Variants in PLCXD3 observed in about 807,000 individuals in gnomAD.
The protein encoded by PLCXD3 is phosphatidylinositol specific phospholipase C X domain containing 3.
PLCXD3 carries 19 observed loss-of-function variants against 25.5 expected under a neutral mutation model. That is an observed-to-expected ratio of 0.75 (90% CI 0.52 to 1.09). The LOEUF (loss-of-function observed/expected upper bound fraction) is 1.09, where lower values mean the gene tolerates loss of function less well. Ranked by LOEUF, PLCXD3 falls within the 50% of genes least tolerant of loss-of-function variation. The pLI is 0.00. For synonymous variants in PLCXD3, 174 were observed against 137.6 expected, an observed-to-expected ratio of 1.26 and a Z score of -1.85; for missense variants, 411 against 388.1, an observed-to-expected ratio of 1.06 and a Z score of -0.50.
intron 1 of PLCXD3, among the ~76,000 whole-genome samples, chr5:41,488,568 C>A (rs1262338435): frequency 7.0e-6 from 1 of 143,338 alleles, no homozygotes; most frequent in Non-Finnish European, 1.5e-5. Context: ...ATTCCTATTT[C>A]TCCACATCCT....
At chr5:41,473,143 G>A (rs1748202877) in intron 1 of PLCXD3, among the ~76,000 whole-genome samples, 1 of 151,808 alleles carries the variant, frequency 6.6e-6, no homozygotes, top group Non-Finnish European at 1.5e-5. Context: ...GACCTTGCCT[G>A]GTATTAAAAA....
intron 1 of PLCXD3, among the ~76,000 whole-genome samples, chr5:41,429,925 C>T (rs910956279): frequency 2.6e-5 from 4 of 152,084 alleles, no homozygotes; most frequent in African/African-American, 9.7e-5. Context: ...AAATATTCAG[C>T]TTCTAACCAA....
intron 2 of PLCXD3, among the ~76,000 whole-genome samples, chr5:41,376,391 A>G (rs757356333): frequency 6.6e-6 from 1 of 152,180 alleles, no homozygotes; most frequent in East Asian, 1.9e-4. Flanking sequence ...CTACATAATT[A>G]GGTGGGTTTC....
intron 1 of PLCXD3, among the ~76,000 whole-genome samples, chr5:41,428,322 AC>A (rs1561270519): frequency 6.7e-6 from 1 of 149,956 alleles, no homozygotes; most frequent in African/African-American, 2.4e-5. Context: ...TGAAGCCCTA[AC>A]CCCCAGTACC....
chr5:41,316,611 G>A (rs1431088808), intron 2 of PLCXD3, among the ~76,000 whole-genome samples: 2 of 152,296 alleles, frequency 1.3e-5, no homozygotes, highest in Non-Finnish European at 2.9e-5. Context: ...CCTGCCCAGG[G>A]TCAGAGGGAG....
chr5:41,335,732 T>C (rs1743960406), intron 2 of PLCXD3, among the ~76,000 whole-genome samples: 1 of 152,072 alleles, frequency 6.6e-6, no homozygotes, highest in South Asian at 2.1e-4. Flanking sequence ...GTGGCATTTG[T>C]TGGGGTGGAT....
intron 1 of PLCXD3, among the ~76,000 whole-genome samples, chr5:41,491,636 T>C (rs1748673939): frequency 6.6e-6 from 1 of 152,160 alleles, no homozygotes; most frequent in Non-Finnish European, 1.5e-5. Flanking sequence ...GGTGCATATA[T>C]ATTTAGGATA....
At chr5:41,326,909 C>T (rs745506405) in intron 2 of PLCXD3, among the ~76,000 whole-genome samples, 2 of 152,138 alleles carry the variant, frequency 1.3e-5, no homozygotes, top group Non-Finnish European at 1.5e-5. Flanking sequence ...TTCCTGGGCT[C>T]AGGTGGCTCA....
In PLCXD3 at chr5:41,326,739, C is replaced by G. The variant is rs539498130; in HGVS notation, c.813-12969G>C. ...TGTTTTATGCCTCTTAAGCATAGTT[C>G]TGTGAGTGTACATAGCACATAACAT... On this transcript the variant is annotated intron_variant, in intron 2 of 2. Coordinates refer to ENST00000377801, the MANE Select transcript of PLCXD3 (RefSeq NM_001005473.3). Among the ~76,000 whole-genome samples, 8 of 152,236 alleles carry G rather than the reference C, an allele frequency of 5.3e-5. No individual in the cohort carries two copies. The South Asian group carries it at 1.7e-3, about 32-fold the overall frequency.
intron 1 of PLCXD3, among the ~76,000 whole-genome samples, chr5:41,406,669 C>G (rs1746360606): frequency 6.6e-6 from 1 of 152,106 alleles, no homozygotes; most frequent in African/African-American, 2.4e-5. Flanking sequence ...TGACAGTGGT[C>G]TGGCTTCCTG....
chr5:41,491,373 A>G (rs1404771753), intron 1 of PLCXD3, among the ~76,000 whole-genome samples: 1 of 152,196 alleles, frequency 6.6e-6, no homozygotes, highest in African/African-American at 2.4e-5. Flanking sequence ...CAATTTTGGA[A>G]TAGGTGTGGT....
intron 2 of PLCXD3, 103 bp downstream of exon 2, chr5:41,381,723 G>A (rs1185640673): frequency 7.7e-6 from 8 of 1,039,950 alleles, no homozygotes; most frequent in East Asian, 4.9e-5. Flanking sequence ...CAGCCCCAGG[G>A]ACCTAATATA....
At chr5:41,434,657 G>A (rs888333476) in intron 1 of PLCXD3, among the ~76,000 whole-genome samples, 1 of 152,194 alleles carries the variant, frequency 6.6e-6, no homozygotes, top group African/African-American at 2.4e-5. Flanking sequence ...AATTATAAAG[G>A]GGGAAGCTTG....
At chr5:41,414,130 C>T (rs545647260) in intron 1 of PLCXD3, among the ~76,000 whole-genome samples, 1 of 152,184 alleles carries the variant, frequency 6.6e-6, no homozygotes, top group Admixed American at 6.5e-5. Context: ...GAAACTGAGG[C>T]TTCCATACCC....
intron 1 of PLCXD3, among the ~76,000 whole-genome samples, chr5:41,418,579 A>G (rs1470582164): frequency 6.6e-6 from 1 of 152,212 alleles, no homozygotes; most frequent in African/African-American, 2.4e-5. Flanking sequence ...TATCCTAGAT[A>G]CTAAGGCAAA....
chr5:41,374,360 A>C (rs1745218441), intron 2 of PLCXD3, among the ~76,000 whole-genome samples: 1 of 152,070 alleles, frequency 6.6e-6, no homozygotes, highest in African/African-American at 2.4e-5. Flanking sequence ...TGCTTTCTGG[A>C]GCTTCCTTTT....
At chr5:41,406,181 A>G (rs1746344757) in intron 1 of PLCXD3, among the ~76,000 whole-genome samples, 1 of 151,570 alleles carries the variant, frequency 6.6e-6, no homozygotes, top group Non-Finnish European at 1.5e-5. Context: ...TGTCCTTCCA[A>G]CTCCCAAATG....
chr5:41,382,533 C>T lies in PLCXD3; in HGVS notation c.105G>A (p.Gly35=). Residue 35 remains glycine (G), a splice_region_variant and synonymous_variant, in exon 2 of 3, where the codon GGG becomes GGA. Coordinates refer to ENST00000377801, the MANE Select transcript of PLCXD3 (RefSeq NM_001005473.3). ...SIPLTNLAIP[G]SHDSFSFYID... ...TGTAGAAGCTGAAGGAATCATGAGA[C>T]CCTAGGAGAATAACAAGGCATAGTG... The T allele has an allele frequency of 6.3e-7, 1 of 1,585,290 alleles. No homozygotes were observed. Among genetic ancestry groups the T allele is most frequent in the South Asian group, 1.1e-5 (1 of 89,064 alleles).
At chr5:41,316,336 G>A (rs1743290647) in intron 2 of PLCXD3, among the ~76,000 whole-genome samples, 2 of 152,282 alleles carry the variant, frequency 1.3e-5, no homozygotes, top group South Asian at 4.1e-4. Flanking sequence ...AGAGCCCTTG[G>A]CCCCAGATAA....
Sources: allele counts gnomAD v4.1 joint callset (sites outside exome capture counted in the v4.1 genomes callset), GRCh38; gene constraint gnomAD v4.1.1; transcripts MANE v1.5; gene names NCBI Gene and HGNC (gene_info 2026-07-23, HGNC 2026-07-21).